Variants in ATPSCKMT observed in about 807,000 individuals in gnomAD.
ATPSCKMT encodes ATP synthase subunit C lysine N-methyltransferase.
ATPSCKMT carries 24 observed loss-of-function variants against 24.3 expected under a neutral mutation model. The observed-to-expected ratio is 0.99, with a 90% CI of 0.71 to 1.39. The LOEUF (loss-of-function observed/expected upper bound fraction) is 1.39, where lower values mean the gene tolerates loss of function less well. Among genes scored for constraint, ATPSCKMT ranks in the 40% most tolerant of loss-of-function variants. ATPSCKMT has a pLI of 0.00. For missense variants in ATPSCKMT, 311 were observed against 298.4 expected (o/e 1.04, Z -0.31); for synonymous variants, 95 against 110.5 (o/e 0.86, Z 0.88).
Position 10,236,631 on chromosome 5 carries a change from G to C in ATPSCKMT, c.307-16C>G, listed in dbSNP as rs376949081. On this transcript the variant is annotated splice_polypyrimidine_tract_variant and intron_variant, in intron 2 of 4. Transcript: ENST00000511437. ...CCGCTATGACCTGTGGAGAGAGGCA[G>C]GATTTATTCAAAATAAGAAGAAAAA... The C allele has an allele frequency of 1.3e-4, 208 of 1,605,304 alleles. 4 individuals carry two copies. Among genetic ancestry groups the C allele is most frequent in the Non-Finnish European group, 1.2e-4 (143 of 1,176,396 alleles).
chr5:10,246,469 A>G (rs1398219081), intron 1 of ATPSCKMT, among the ~76,000 whole-genome samples: 3 of 124,888 alleles, frequency 2.4e-5, no homozygotes, highest in Non-Finnish European at 5.5e-5. Flanking sequence ...AAAAAAAAAA[A>G]AAAGAATCCC....
chr5:10,246,010 ACAGT>A (rs1226893194), intron 1 of ATPSCKMT, among the ~76,000 whole-genome samples: 2 of 152,188 alleles, frequency 1.3e-5, no homozygotes, highest in African/African-American at 4.8e-5. Context: ...AACCATCACT[ACAGT>A]CAATTTTTGA....
At chr5:10,232,591 T>A (rs1181864477) in intron 4 of ATPSCKMT, among the ~76,000 whole-genome samples, 1 of 152,242 alleles carries the variant, frequency 6.6e-6, no homozygotes, top group Non-Finnish European at 1.5e-5. Flanking sequence ...AAAAGACAGC[T>A]GGCCCATGAG....
chr5:10,229,193 T>C (rs1011625794), intron 4 of ATPSCKMT, among the ~76,000 whole-genome samples: 1 of 152,234 alleles, frequency 6.6e-6, no homozygotes, highest in Non-Finnish European at 1.5e-5. Context: ...CTGTATAACA[T>C]TTCCCAAGGG....
intron 4 of ATPSCKMT, 21 bp from the exon 5 acceptor site, chr5:10,227,668 T>G (rs1743944967): frequency 6.2e-7 from 1 of 1,611,902 alleles, no homozygotes; most frequent in African/African-American, 1.3e-5. Flanking sequence ...TAACAGCTAT[T>G]ATTTTAGTGA....
chr5:10,249,701 A>T, intron 1 of ATPSCKMT, 157 bp downstream of exon 1: 3 of 1,223,910 alleles, frequency 2.5e-6, no homozygotes, highest in Non-Finnish European at 3.3e-6. Context: ...CGCGGCGACC[A>T]GGAGCTCTGG....
chr5:10,232,462 G>A (rs1744191090), intron 4 of ATPSCKMT, among the ~76,000 whole-genome samples: 2 of 152,226 alleles, frequency 1.3e-5, no homozygotes, highest in Non-Finnish European at 2.9e-5. Flanking sequence ...CAGTGTCGAA[G>A]CCTTCAGACA....
At chr5:10,231,108 C>T (rs1471027716) in intron 4 of ATPSCKMT, among the ~76,000 whole-genome samples, 1 of 152,142 alleles carries the variant, frequency 6.6e-6, no homozygotes, top group Non-Finnish European at 1.5e-5. Flanking sequence ...AAAGCAACTC[C>T]AAGCGTGTGG....
rs542807120 is a variant in ATPSCKMT, at chr5:10,225,576, T to C, written c.*1865A>G. 1.2e-3 allele frequency among the ~76,000 whole-genome samples: 181 copies of C among 152,272 alleles called. No homozygotes were observed. Among genetic ancestry groups the C allele is most frequent in the Middle Eastern group, 6.8e-3 (2 of 294 alleles). ...CTGGAATATCTTACGTGAATGGTAG[T>C]AGGCAAAAAGAGCTTGTGCAGGAAA... On this transcript the variant is annotated 3_prime_UTR_variant, in exon 5 of 5. Transcript: ENST00000511437.
intron 1 of ATPSCKMT, chr5:10,249,641 TGG>T: frequency 1.4e-6 from 1 of 701,530 alleles, no homozygotes; most frequent in Non-Finnish European, 2.2e-6. Flanking sequence ...GAACAGTCTC[TGG>T]GGAAACGCGC....
At chr5:10,249,814 C>T (rs757530972) in intron 1 of ATPSCKMT, 44 bp downstream of exon 1, 1 of 1,546,964 alleles carries the variant, frequency 6.5e-7, no homozygotes, top group East Asian at 2.3e-5. Flanking sequence ...CGCCCGCACC[C>T]CTTCTCATGC....
intron 1 of ATPSCKMT, among the ~76,000 whole-genome samples, chr5:10,244,118 T>C (rs1324652308): frequency 6.6e-6 from 1 of 152,120 alleles, no homozygotes; most frequent in Non-Finnish European, 1.5e-5. Context: ...TGGAGAGAGA[T>C]AGAGGAATGG....
intron 1 of ATPSCKMT, 83 bp downstream of exon 1, chr5:10,249,775 A>G (rs1745213692): frequency 7.3e-6 from 11 of 1,509,828 alleles, no homozygotes; most frequent in Non-Finnish European, 9.7e-6. Context: ...TCGACAGTGG[A>G]GACCTCAGCT....
chr5:10,235,760 T>C (rs1744348609), intron 3 of ATPSCKMT, among the ~76,000 whole-genome samples: 1 of 152,204 alleles, frequency 6.6e-6, no homozygotes, highest in South Asian at 2.1e-4. Flanking sequence ...TGCAATAAAA[T>C]GGTCTTTAGT....
Position 10,227,566 on chromosome 5 carries a change from A to C in ATPSCKMT, c.577T>G (p.Trp193Gly). Residue 193 changes from tryptophan to glycine, a missense_variant, in exon 5 of 5, where the codon TGG becomes GGG. Coordinates refer to ENST00000511437, the MANE Select transcript of ATPSCKMT (RefSeq NM_199133.4). ...VIACRFPFPH[W>G]TPDHVTGEGI... ...TCCCCCGTGACGTGGTCTGGAGTCCAATGTGGGAAAGGGAACCGGCAAGCA... is the reference window on the plus strand; with the variant it reads ...TCCCCCGTGACGTGGTCTGGAGTCCCATGTGGGAAAGGGAACCGGCAAGCA... 2 of 1,614,176 alleles carry C rather than the reference A, an allele frequency of 1.2e-6. No individual in the cohort carries two copies. Among genetic ancestry groups the C allele is most frequent in the Non-Finnish European group, 1.7e-6 (2 of 1,180,028 alleles).
chr5:10,243,793 T>G (rs1744758867), intron 1 of ATPSCKMT, among the ~76,000 whole-genome samples: 1 of 152,260 alleles, frequency 6.6e-6, no homozygotes, highest in South Asian at 2.1e-4. Context: ...CCACTCAAAC[T>G]TGCTCCATAC....
chr5:10,244,995 T>C (rs143901784), intron 1 of ATPSCKMT, among the ~76,000 whole-genome samples: 1 of 152,286 alleles, frequency 6.6e-6, no homozygotes, highest in East Asian at 1.9e-4. Context: ...ATTCCAGTTG[T>C]ACAGTACAGC....
intron 1 of ATPSCKMT, 89 bp from the exon 2 acceptor site, chr5:10,239,445 A>G (rs1172170106): frequency 1.7e-6 from 2 of 1,151,764 alleles, no homozygotes; most frequent in East Asian, 4.7e-5. Context: ...ATTGGCAAAC[A>G]AACTCATGCT....
chr5:10,238,747 C>T (rs902506667), intron 2 of ATPSCKMT, among the ~76,000 whole-genome samples: 2 of 152,150 alleles, frequency 1.3e-5, no homozygotes, highest in East Asian at 3.8e-4. Flanking sequence ...GAGTGAAATG[C>T]CATGATTTAA....
Sources: allele counts gnomAD v4.1 joint callset (sites outside exome capture counted in the v4.1 genomes callset), GRCh38; gene constraint gnomAD v4.1.1; transcripts MANE v1.5; gene names NCBI Gene and HGNC (gene_info 2026-07-23, HGNC 2026-07-21).